Variants in NPIPA5 observed in about 807,000 individuals in gnomAD.
NPIPA5 encodes nuclear pore complex interacting protein family member A5.
A neutral mutation model predicts 21.4 loss-of-function variants in NPIPA5; 6 were observed. That is an observed-to-expected ratio of 0.28 (90% CI 0.15 to 0.55). NPIPA5 has a LOEUF of 0.55. Among genes scored for constraint, NPIPA5 ranks in the 20% least tolerant of loss-of-function variants. The pLI is 0.93. For synonymous variants in NPIPA5, 33 were observed against 115.3 expected (o/e 0.29, Z 4.57); for missense variants, 99 against 318.2 (o/e 0.31, Z 5.24).
chr16:15,374,432 G>A (rs1463436383), intron 1 of NPIPA5, among the ~76,000 whole-genome samples: 1 of 151,686 alleles, frequency 6.6e-6, no homozygotes, highest in Non-Finnish European at 1.5e-5. Context: ...CTCCTGACAG[G>A]CGATCTGCCT....
At chr16:15,374,170 C>T (rs1384837257) in intron 1 of NPIPA5, among the ~76,000 whole-genome samples, 3 of 149,208 alleles carry the variant, frequency 2.0e-5, no homozygotes, top group Admixed American at 6.7e-5. Context: ...CTAACACTAA[C>T]AATAGCTGAT....
upstream of NPIPA5, among the ~76,000 whole-genome samples, chr16:15,380,420 T>C (rs566004604): frequency 3.0e-4 from 46 of 152,032 alleles, no homozygotes; most frequent in Non-Finnish European, 4.9e-4. Flanking sequence ...CCTCCTGAAT[T>C]TCAGCAATTC....
upstream of NPIPA5, among the ~76,000 whole-genome samples, chr16:15,379,879 G>A (rs1438072756): frequency 6.6e-6 from 1 of 152,160 alleles, no homozygotes; most frequent in African/African-American, 2.4e-5. Flanking sequence ...GGGAGACGGA[G>A]GTTGCAGTGA....
chr16:15,381,524 G>A (rs1036577151), upstream of NPIPA5: 25 of 885,796 alleles, frequency 2.8e-5, no homozygotes, highest in Admixed American at 1.2e-4. Context: ...GGCCTTGTCC[G>A]CGGCAGGTGC....
chr16:15,369,835 T>C lies in NPIPA5; in HGVS notation c.314A>G (p.Asp105Gly). 1.3e-6 allele frequency: 1 copy of C among 778,934 alleles called. No individual in the cohort carries two copies. The allele number at this position is 778,934 out of a possible 1,614,324, so 48.3% of individuals were successfully genotyped here. The change falls in exon 4 of 8, where the codon GAC becomes GGC. Residue 105 changes from aspartate to glycine, a missense_variant. By Grantham distance (94) the Asp-to-Gly change is moderately conservative. Transcript: ENST00000360151. ...RQEGIKIVLEDIFTLWRQVET... is the reference protein window; with the variant it reads ...RQEGIKIVLEGIFTLWRQVET... ...CACCTGTCTCCATAAAGTAAAGATG[T>C]CTTCCAGGACAATTTTAATTCCTGG...
chr16:15,375,196 TG>T (rs1202668288), intron 1 of NPIPA5, among the ~76,000 whole-genome samples: 1,564 of 150,580 alleles, frequency 0.01, 20 homozygotes, highest in African/African-American at 0.037. Flanking sequence ...CCCAAAGTGC[TG>T]GGAATACAGG....
rs1346010780 is a variant in NPIPA5 at position 15,375,509 on chromosome 16, C to T, written c.64-1666G>A. Among the ~76,000 whole-genome samples, 8 of 151,252 alleles carry T rather than the reference C, an allele frequency of 5.3e-5. No individual in the cohort carries two copies. The South Asian group carries it at 6.3e-4, about 12-fold the overall frequency. On this transcript the variant is annotated intron_variant, in intron 1 of 7. Transcript: ENST00000360151. Reference sequence around the variant, plus strand: ...CTGCAATCCCAGCACTTTGGGAAGCCGAGGTGGGTGGACCACGAGATCAGG... The same window carrying T: ...CTGCAATCCCAGCACTTTGGGAAGCTGAGGTGGGTGGACCACGAGATCAGG...
intron 4 of NPIPA5, among the ~76,000 whole-genome samples, chr16:15,367,707 C>T (rs1339657408): frequency 7.0e-6 from 1 of 142,102 alleles, no homozygotes; most frequent in African/African-American, 2.7e-5. Flanking sequence ...ACAGGGCATC[C>T]TTCAGCACAT....
In NPIPA5 at chr16:15,368,367, C is replaced by G. The variant is rs917916107; in HGVS notation, c.437+1345G>C. 1.3e-5 allele frequency among the ~76,000 whole-genome samples: 2 copies of G among 152,056 alleles called. 1 individual carries two copies. The highest frequency in any genetic ancestry group is 4.8e-5 in the African/African-American group (2 of 41,344). On this transcript the variant is annotated intron_variant, in intron 4 of 7. Coordinates refer to ENST00000360151, the MANE Select transcript of NPIPA5 (RefSeq NM_001277325.2). Reference sequence around the variant, plus strand: ...CAATTGCAGCCTGTATGGAGGACCCCTGACCATCCCCCAGAAGTAGACTCC... The same window carrying G: ...CAATTGCAGCCTGTATGGAGGACCCGTGACCATCCCCCAGAAGTAGACTCC...
chr16:15,379,975 G>T (rs866648185), upstream of NPIPA5, among the ~76,000 whole-genome samples: 1 of 149,086 alleles, frequency 6.7e-6, no homozygotes, highest in South Asian at 2.1e-4. Context: ...ATATATGTGT[G>T]TGTGTGTGTC....
chr16:15,376,024 G>C, intron 1 of NPIPA5, among the ~76,000 whole-genome samples: 1 of 151,684 alleles, frequency 6.6e-6, no homozygotes, highest in Non-Finnish European at 1.5e-5. Flanking sequence ...CATATGCTGA[G>C]TCTGAAATGG....
At chr16:15,378,859 C>G (rs1248553060), upstream of NPIPA5, among the ~76,000 whole-genome samples, 6 of 107,972 alleles carry the variant, frequency 5.6e-5, no homozygotes, top group East Asian at 2.7e-4. Flanking sequence ...TCATGACTGG[C>G]CTCTCAGGGA....
At chr16:15,379,758 A>T (rs533285066), upstream of NPIPA5, among the ~76,000 whole-genome samples, 1 of 152,052 alleles carries the variant, frequency 6.6e-6, no homozygotes, top group East Asian at 1.9e-4. Flanking sequence ...GAGCCTGGCC[A>T]ATATGGTGAA....
At chr16:15,370,711 A>G (rs1332170745) in intron 2 of NPIPA5, among the ~76,000 whole-genome samples, 1 of 139,376 alleles carries the variant, frequency 7.2e-6, no homozygotes, top group Non-Finnish European at 1.5e-5. Flanking sequence ...AGATTGTGCC[A>G]TTGCACTCCA....
chr16:15,375,496 C>A (rs1481358569), intron 1 of NPIPA5, among the ~76,000 whole-genome samples: 1 of 151,520 alleles, frequency 6.6e-6, no homozygotes, highest in African/African-American at 2.4e-5. Flanking sequence ...GCAATCCCAG[C>A]ACTTTGGGAA....
chr16:15,374,308 C>G (rs2050232775), intron 1 of NPIPA5, among the ~76,000 whole-genome samples: 1 of 151,062 alleles, frequency 6.6e-6, no homozygotes, highest in Non-Finnish European at 1.5e-5. Flanking sequence ...AAGCCATTCT[C>G]CTGCCTCAGC....
chr16:15,374,496 AT>A (rs932035083), intron 1 of NPIPA5, among the ~76,000 whole-genome samples: 6 of 149,228 alleles, frequency 4.0e-5, no homozygotes, highest in Admixed American at 6.7e-5. Flanking sequence ...GTGCCCAGCC[AT>A]TTTTTTTGTT....
upstream of NPIPA5, among the ~76,000 whole-genome samples, chr16:15,380,712 TC>T (rs1170616531): frequency 1.3e-5 from 2 of 149,774 alleles, no homozygotes. Context: ...CAGCAATGAT[TC>T]CTTTTGAGTT....
At chr16:15,380,964 T>C (rs1453812476), upstream of NPIPA5, 5 of 1,463,024 alleles carry the variant, frequency 3.4e-6, no homozygotes, top group Non-Finnish European at 1.8e-6. Context: ...TCACTGACTT[T>C]ACGTGCTGCT....
Sources: allele counts gnomAD v4.1 joint callset (sites outside exome capture counted in the v4.1 genomes callset), GRCh38; gene constraint gnomAD v4.1.1; transcripts MANE v1.5; gene names NCBI Gene and HGNC (gene_info 2026-07-23, HGNC 2026-07-21).